The following CCND3 variants were observed in gnomAD, a reference collection of about 807,000 sequenced individuals.
CCND3 encodes the protein cyclin D3.
CCND3 carries 9 observed loss-of-function variants against 28.7 expected under a neutral mutation model. The ratio of observed to expected loss-of-function variants is 0.31; its 90% confidence interval spans 0.19 to 0.55. CCND3 has a LOEUF of 0.55. CCND3 is among the 20% of genes least tolerant of loss of function. The pLI is 0.93. For missense variants in CCND3, 315 were observed against 385.8 expected (o/e 0.82, Z 1.54); for synonymous variants, 164 against 163.9 (o/e 1.00, Z 0.00).
intron 1 of CCND3, among the ~76,000 whole-genome samples, chr6:41,960,394 CT>C (rs1561962285): frequency 6.6e-6 from 1 of 152,172 alleles, no homozygotes; most frequent in Non-Finnish European, 1.5e-5. Context: ...TGGTATGTAA[CT>C]TATAACTCAA....
intron 1 of CCND3, among the ~76,000 whole-genome samples, chr6:42,029,163 T>A (rs964259688): frequency 2.7e-5 from 4 of 149,590 alleles, no homozygotes; most frequent in Admixed American, 6.7e-5. Context: ...TTTTTTTTTT[T>A]ATTATTTTTT....
At chr6:42,029,095 G>A (rs1168299428) in intron 1 of CCND3, among the ~76,000 whole-genome samples, 1 of 151,356 alleles carries the variant, frequency 6.6e-6, no homozygotes, top group Non-Finnish European at 1.5e-5. Flanking sequence ...TCTCACCTCA[G>A]CCTGCTGAGT....
intron 1 of CCND3, among the ~76,000 whole-genome samples, chr6:41,975,851 G>A (rs1762164785): frequency 6.7e-6 from 1 of 150,066 alleles, no homozygotes; most frequent in Admixed American, 6.7e-5. Context: ...GTTTTTGTCT[G>A]TTTTTTTTGA....
At chr6:41,982,230 A>C (rs1762366781) in intron 1 of CCND3, among the ~76,000 whole-genome samples, 1 of 150,216 alleles carries the variant, frequency 6.7e-6, no homozygotes, top group Non-Finnish European at 1.5e-5. Flanking sequence ...AGATTGTGCC[A>C]TTGTACTTAC....
chr6:42,004,252 A>G (rs1465807766), intron 1 of CCND3, among the ~76,000 whole-genome samples: 1 of 152,014 alleles, frequency 6.6e-6, no homozygotes, highest in Non-Finnish European at 1.5e-5. Context: ...GGTGTGAGCC[A>G]CAGTTCCTGG....
intron 1 of CCND3, chr6:42,031,161 T>G (rs9357385): frequency 0.99 from 151,433 of 152,302 alleles, 75,292 homozygotes; most frequent in Middle Eastern, 1. Flanking sequence ...CCCCGCTACA[T>G]CCTGCTAAAA....
At chr6:42,006,548 A>C (rs1582155137) in intron 1 of CCND3, among the ~76,000 whole-genome samples, 1 of 152,200 alleles carries the variant, frequency 6.6e-6, no homozygotes, top group Non-Finnish European at 1.5e-5. Flanking sequence ...TTGAAAAAAA[A>C]CAACTTCATT....
intron 1 of CCND3, among the ~76,000 whole-genome samples, chr6:41,970,620 A>G (rs1330798042): frequency 6.6e-6 from 1 of 152,142 alleles, no homozygotes; most frequent in African/African-American, 2.4e-5. Context: ...CAAAACAGGA[A>G]GTAAACAGCA....
intron 1 of CCND3, among the ~76,000 whole-genome samples, chr6:41,952,831 T>TGTGTGA (rs1433582213): frequency 1.3e-5 from 2 of 151,862 alleles, no homozygotes; most frequent in Admixed American, 6.6e-5. Flanking sequence ...TGTGTGTGTG[T>TGTGTGA]GACATGAAAC....
intron 1 of CCND3, among the ~76,000 whole-genome samples, chr6:41,949,230 G>A (rs531637191): frequency 3.3e-5 from 5 of 151,996 alleles, no homozygotes; most frequent in South Asian, 2.1e-4. Context: ...GCCTGTAATC[G>A]CAGCACTTTG....
At chr6:41,940,718 A>C (rs1004480658) in intron 1 of CCND3, 133 bp from the exon 2 acceptor site, 23 of 758,170 alleles carry the variant, frequency 3.0e-5, no homozygotes, top group Non-Finnish European at 5.0e-5. Context: ...AGAGACAAGG[A>C]CCAATAAAGG....
intron 1 of CCND3, among the ~76,000 whole-genome samples, chr6:41,997,503 T>G (rs1356855093): frequency 2.0e-5 from 3 of 152,122 alleles, no homozygotes; most frequent in Non-Finnish European, 4.4e-5. Flanking sequence ...GGCTGGGTAA[T>G]GGGTAAATTA....
At chr6:41,995,269 G>C (rs554318252) in intron 1 of CCND3, among the ~76,000 whole-genome samples, 8 of 151,752 alleles carry the variant, frequency 5.3e-5, no homozygotes, top group African/African-American at 9.7e-5. Flanking sequence ...TCTTTTTTGT[G>C]GGGGGTGGGG....
intron 1 of CCND3, among the ~76,000 whole-genome samples, chr6:41,982,085 C>G (rs972369893): frequency 1.3e-5 from 2 of 151,692 alleles, no homozygotes; most frequent in Admixed American, 1.3e-4. Flanking sequence ...ACATGACCAA[C>G]ACTGAGAAAC....
At chr6:42,027,330 C>G (rs944627277) in intron 1 of CCND3, among the ~76,000 whole-genome samples, 1 of 151,970 alleles carries the variant, frequency 6.6e-6, no homozygotes, top group African/African-American at 2.4e-5. Flanking sequence ...GTCCCAGCTA[C>G]TCGGTAGGCT....
rs778042653 is a variant in CCND3 at position 41,941,584 on chromosome 6, C to T, written c.66G>A (p.Leu22=). ...GGCTCTGCAGGACACGCTGGTCCCC[C>T]AGCAGCCGCGGGTCCGGCCCGGCCC... ...APRAGPDPRL[L]GDQRVLQSLL... Residue 22 remains leucine (L), a synonymous_variant, in exon 1 of 5, where the codon CTG becomes CTA. Transcript: ENST00000372991. This position sits in a 1 kb window ranked among gnomAD's most constrained non-coding sequence, Gnocchi z 6.1. The T allele has an allele frequency of 3.3e-5, 52 of 1,554,100 alleles. No individual in the cohort carries two copies. The highest frequency in any genetic ancestry group is 4.3e-5 in the Non-Finnish European group (50 of 1,149,844).
At chr6:42,042,968 C>CACTCCATGAG (rs1380138314) in intron 1 of CCND3, among the ~76,000 whole-genome samples, 1 of 152,200 alleles carries the variant, frequency 6.6e-6, no homozygotes, top group Non-Finnish European at 1.5e-5. Flanking sequence ...AGAGATGGCA[C>CACTCCATGAG]AGATTAGTGG....
intron 1 of CCND3, among the ~76,000 whole-genome samples, chr6:42,031,776 T>C (rs1764050570): frequency 1.3e-5 from 2 of 151,918 alleles, no homozygotes; most frequent in Non-Finnish European, 2.9e-5. Context: ...CGTTACCATA[T>C]AATTTTCATG....
At chr6:41,952,102 G>A (rs190834435) in intron 1 of CCND3, among the ~76,000 whole-genome samples, 1 of 152,298 alleles carries the variant, frequency 6.6e-6, no homozygotes, top group East Asian at 1.9e-4. Flanking sequence ...GCCAGGCACT[G>A]AGAGCTGTAC....
Sources: gnomAD v4.1 joint callset for allele counts (sites outside exome capture counted in the v4.1 genomes callset) on GRCh38, gnomAD v4.1.1 for gene constraint, Gnocchi (gnomAD v3.1) non-coding constraint, MANE v1.5 for transcripts, NCBI Gene and HGNC (gene_info 2026-07-23, HGNC 2026-07-21) for gene names.